TLE4: variants seen among roughly 807,000 people sequenced by gnomAD.
TLE4 encodes TLE family member 4, transcriptional corepressor.
A neutral mutation model predicts 92.8 loss-of-function variants in TLE4; 8 were observed. The observed-to-expected ratio is 0.09, with a 90% CI of 0.05 to 0.16. The LOEUF is 0.16. Among genes scored for constraint, TLE4 ranks in the 10% least tolerant of loss-of-function variants. The pLI is 1.00. For synonymous variants in TLE4, 371 were observed against 374.1 expected, an observed-to-expected ratio of 0.99 and a Z score of 0.10; for missense variants, 675 against 997.6, an observed-to-expected ratio of 0.68 and a Z score of 4.36.
chr9:79,702,604 C>T (rs2070260373), intron 8 of TLE4, among the ~76,000 whole-genome samples: 1 of 152,212 alleles, frequency 6.6e-6, no homozygotes, highest in Non-Finnish European at 1.5e-5. Flanking sequence ...TGTCAATCTT[C>T]AGCCTTACTG....
intron 4 of TLE4, among the ~76,000 whole-genome samples, chr9:79,582,155 T>A (rs1488263182): frequency 6.6e-6 from 1 of 152,116 alleles, no homozygotes; most frequent in African/African-American, 2.4e-5. Context: ...GAAAATGTGA[T>A]GTTTTGTAGC....
chr9:79,652,837 G>A (rs374210271), intron 7 of TLE4, 43 bp downstream of exon 7: 351 of 1,575,254 alleles, frequency 2.2e-4, no homozygotes, highest in Non-Finnish European at 3.0e-4. Context: ...TGACCTACTT[G>A]CTGCTGAGGG....
intron 15 of TLE4, among the ~76,000 whole-genome samples, chr9:79,719,507 A>C (rs1013057550): frequency 7.9e-5 from 12 of 152,042 alleles, no homozygotes; most frequent in African/African-American, 2.9e-4. Flanking sequence ...TTTTTCTGTA[A>C]CTTAACACTC....
intron 4 of TLE4, among the ~76,000 whole-genome samples, chr9:79,585,378 CAG>C (rs1177452337): frequency 6.6e-6 from 1 of 152,200 alleles, no homozygotes; most frequent in African/African-American, 2.4e-5. Context: ...GCTGGTATGA[CAG>C]ATATTTCTGC....
intron 4 of TLE4, among the ~76,000 whole-genome samples, chr9:79,597,117 C>T (rs185072670): frequency 3.3e-5 from 5 of 152,256 alleles, no homozygotes; most frequent in Admixed American, 2.0e-4. Context: ...CCCTGGTTGT[C>T]TAATCTAGTG....
intron 8 of TLE4, among the ~76,000 whole-genome samples, chr9:79,664,841 A>T (rs985067499): frequency 1.3e-5 from 2 of 151,704 alleles, no homozygotes; most frequent in African/African-American, 4.8e-5. Flanking sequence ...CACCCTTGTC[A>T]TTTTCAATTC....
rs372528648 is a variant in TLE4 at position 79,654,013 on chromosome 9, C to A, written c.593-46C>A. 133 of 1,610,742 alleles carry A rather than the reference C, an allele frequency of 8.3e-5. No homozygotes were observed. In the African/African-American group the frequency reaches 1.6e-3, roughly 19 times the overall value. ...AACTAACTAGTACTTTTCTTTTCTT[C>A]TTCCCACCACTTTATCTGCTTGTGT... is the stretch of plus-strand genomic sequence containing the variant. On this transcript the variant is annotated intron_variant, in intron 7 of 19. Coordinates refer to ENST00000376552, the MANE Select transcript of TLE4 (RefSeq NM_007005.6).
intron 8 of TLE4, among the ~76,000 whole-genome samples, chr9:79,657,109 G>A (rs113256574): frequency 3.1e-4 from 47 of 152,276 alleles, no homozygotes; most frequent in African/African-American, 1.1e-3. Flanking sequence ...TTGATGATGA[G>A]AAACTAGACC....
chr9:79,611,934 A>G (rs2048450614), intron 4 of TLE4, among the ~76,000 whole-genome samples: 1 of 140,174 alleles, frequency 7.1e-6, no homozygotes, highest in Non-Finnish European at 1.5e-5. Flanking sequence ...GCATATCCAC[A>G]GTAAAAAAAA....
intron 8 of TLE4, among the ~76,000 whole-genome samples, chr9:79,678,463 C>T (rs1307547800): frequency 6.6e-6 from 1 of 151,744 alleles, no homozygotes; most frequent in African/African-American, 2.4e-5. Flanking sequence ...ATCAATAATT[C>T]TTAAAATAGC....
At chr9:79,651,031 ATCTCTCTCTCTCTC>A (rs10580766) in intron 6 of TLE4, among the ~76,000 whole-genome samples, 3,171 of 138,698 alleles carry the variant, frequency 0.023, 62 homozygotes, top group Non-Finnish European at 0.035. Flanking sequence ...GGAATGATCG[ATCTCTCTCTCTCTC>A]TCTCTCTCTC....
chr9:79,702,029 T>G (rs1204794509), intron 8 of TLE4, among the ~76,000 whole-genome samples: 1 of 152,212 alleles, frequency 6.6e-6, no homozygotes, highest in Non-Finnish European at 1.5e-5. Context: ...ACATTAGAGC[T>G]GATTCTTAAG....
chr9:79,591,900 G>A (rs1266519567), intron 4 of TLE4, among the ~76,000 whole-genome samples: 2 of 151,866 alleles, frequency 1.3e-5, no homozygotes, highest in Non-Finnish European at 2.9e-5. Flanking sequence ...AGGAGGGAAT[G>A]AATGAGTTTG....
intron 5 of TLE4, among the ~76,000 whole-genome samples, chr9:79,613,165 T>G (rs1170324767): frequency 6.6e-6 from 1 of 152,170 alleles, no homozygotes; most frequent in Non-Finnish European, 1.5e-5. Flanking sequence ...GCTAGCTACT[T>G]TTAAACATTT....
intron 8 of TLE4, among the ~76,000 whole-genome samples, chr9:79,702,570 A>T (rs1199524484): frequency 6.6e-6 from 1 of 152,242 alleles, no homozygotes; most frequent in Non-Finnish European, 1.5e-5. Context: ...CACTTTAAAA[A>T]ATCGTTTGGC....
intron 6 of TLE4, among the ~76,000 whole-genome samples, chr9:79,640,519 T>C (rs2056914777): frequency 6.6e-6 from 1 of 151,970 alleles, no homozygotes; most frequent in African/African-American, 2.4e-5. Context: ...CCATTCCTTC[T>C]CTCTTCTGCC....
At position 79,716,360 on chromosome 9, in the gene TLE4, G is replaced by A. The variant is rs932742039; in HGVS notation, c.1341-2362G>A. Reference sequence around the variant, plus strand: ...CGCATATGCTGCCTCTTCAGAGAGGGCCACCTGACTGCCACTGTGTGCTCC... The same window carrying A: ...CGCATATGCTGCCTCTTCAGAGAGGACCACCTGACTGCCACTGTGTGCTCC... On this transcript the variant is annotated intron_variant, in intron 14 of 19. Coordinates refer to ENST00000376552, the MANE Select transcript of TLE4 (RefSeq NM_007005.6). 4.6e-5 allele frequency among the ~76,000 whole-genome samples: 7 copies of A among 152,290 alleles called. No homozygotes were observed. The East Asian group carries it at 1.4e-3, about 29-fold the overall frequency.
intron 4 of TLE4, among the ~76,000 whole-genome samples, chr9:79,607,490 G>GT (rs2047325595): frequency 6.6e-6 from 1 of 152,140 alleles, no homozygotes; most frequent in Non-Finnish European, 1.5e-5. Context: ...TTCTTCTGAG[G>GT]TTTTTATGGT....
intron 6 of TLE4, chr9:79,649,595 G>A: frequency 4.5e-6 from 1 of 222,092 alleles, no homozygotes; most frequent in South Asian, 5.5e-5. Flanking sequence ...AAAACATGAT[G>A]TGCAGGTGGA....
Sources: gnomAD v4.1 joint callset for allele counts (sites outside exome capture counted in the v4.1 genomes callset) on GRCh38, gnomAD v4.1.1 for gene constraint, MANE v1.5 for transcripts, NCBI Gene and HGNC (gene_info 2026-07-23, HGNC 2026-07-21) for gene names.